RCOR1: variants seen among roughly 807,000 people sequenced by gnomAD.
RCOR1 encodes REST corepressor.
RCOR1 carries 12 observed loss-of-function variants against 64.0 expected under a neutral mutation model. The ratio of observed to expected loss-of-function variants is 0.19; its 90% CI spans 0.12 to 0.30. The LOEUF is 0.30. Among genes scored for constraint, RCOR1 ranks in the 10% least tolerant of loss-of-function variants. The pLI is 1.00. For missense variants in RCOR1, 502 were observed against 621.2 expected (o/e 0.81, Z 2.04); for synonymous variants, 279 against 227.2 (o/e 1.23, Z -2.05).
chr14:102,593,962 C>CT (rs932105963), intron 2 of RCOR1, among the ~76,000 whole-genome samples: 16 of 152,142 alleles, frequency 1.1e-4, no homozygotes, highest in East Asian at 5.8e-4. Flanking sequence ...TGTGTATTTC[C>CT]TTTTTTTTGG....
intron 8 of RCOR1, among the ~76,000 whole-genome samples, chr14:102,715,676 C>T (rs909218196): frequency 6.6e-6 from 1 of 152,218 alleles, no homozygotes; most frequent in Non-Finnish European, 1.5e-5. Flanking sequence ...TGAGCTACCA[C>T]ACTCGGCCCT....
At chr14:102,686,504 T>C (rs1458499484) in intron 3 of RCOR1, among the ~76,000 whole-genome samples, 3 of 152,234 alleles carry the variant, frequency 2.0e-5, no homozygotes, top group African/African-American at 7.2e-5. Context: ...TTGTATGTTC[T>C]GTGGATTCCG....
At chr14:102,641,097 CA>C (rs569687337) in intron 2 of RCOR1, among the ~76,000 whole-genome samples, 4 of 151,416 alleles carry the variant, frequency 2.6e-5, no homozygotes, top group Admixed American at 2.0e-4. Flanking sequence ...ACTAAAAATA[CA>C]AAAAAAATTA....
intron 2 of RCOR1, among the ~76,000 whole-genome samples, chr14:102,595,837 T>A (rs1048087469): frequency 6.6e-6 from 1 of 152,022 alleles, no homozygotes; most frequent in African/African-American, 2.4e-5. Flanking sequence ...TCTCGGCCTC[T>A]CATAGTGCTG....
intron 2 of RCOR1, chr14:102,658,998 C>G: frequency 4.0e-6 from 2 of 495,758 alleles, no homozygotes; most frequent in Non-Finnish European, 5.2e-6. Flanking sequence ...GTTAGTAAGT[C>G]CAACCTACAC....
intron 2 of RCOR1, among the ~76,000 whole-genome samples, chr14:102,614,051 A>C (rs1426176238): frequency 1.3e-5 from 2 of 150,944 alleles, no homozygotes; most frequent in African/African-American, 4.9e-5. Flanking sequence ...ATGTGCCACT[A>C]CACCCGGCTG....
chr14:102,677,097 A>G (rs1196434995), intron 2 of RCOR1, among the ~76,000 whole-genome samples: 13 of 104,040 alleles, frequency 1.2e-4, no homozygotes, highest in Non-Finnish European at 2.0e-5. Context: ...ACTTCCCAGT[A>G]GGGGCGGCCG....
chr14:102,696,960 C>T (rs1895664443), intron 3 of RCOR1, among the ~76,000 whole-genome samples: 1 of 151,828 alleles, frequency 6.6e-6, no homozygotes, highest in South Asian at 2.1e-4. Flanking sequence ...CTACCAGCAG[C>T]TACTGGTATA....
At chr14:102,703,260 C>CT (rs1255138782) in intron 4 of RCOR1, among the ~76,000 whole-genome samples, 1 of 152,054 alleles carries the variant, frequency 6.6e-6, no homozygotes, top group African/African-American at 2.4e-5. Context: ...GTGGAAGTTG[C>CT]ATAAGGAGTA....
In RCOR1 at chr14:102,655,951, TCACACACACACACA is replaced by T. The variant is rs57847726; in HGVS notation, c.362-25920_362-25907del. 8.5e-5 allele frequency: 74 copies of T among 872,698 alleles called. No individual in the cohort carries two copies. The Admixed American group carries it at 1.3e-3, about 15-fold the overall frequency. The allele number at this position is 872,698 out of a possible 1,614,324, so 54.1% of individuals were successfully genotyped here. On this transcript the variant is annotated intron_variant, in intron 2 of 11. Coordinates refer to ENST00000262241, the MANE Select transcript of RCOR1 (RefSeq NM_015156.4). ...CTGGGCAACAGAGTGAGACTTTTTG[TCACACACACACACA>T]CACACACACACACACACACACACGT...
chr14:102,596,827 A>G (rs964207084), intron 2 of RCOR1, among the ~76,000 whole-genome samples: 1 of 146,906 alleles, frequency 6.8e-6, no homozygotes, highest in Non-Finnish European at 1.5e-5. Context: ...GTCCTTCCAA[A>G]GTGCTGGGAT....
chr14:102,705,593 C>T (rs373625584), intron 4 of RCOR1, among the ~76,000 whole-genome samples: 2 of 152,028 alleles, frequency 1.3e-5, no homozygotes, highest in Non-Finnish European at 2.9e-5. Flanking sequence ...CAGTTACAGG[C>T]GCGCACCACC....
At chr14:102,698,448 A>AT (rs1481945613) in intron 3 of RCOR1, among the ~76,000 whole-genome samples, 6 of 152,210 alleles carry the variant, frequency 3.9e-5, no homozygotes, top group Non-Finnish European at 8.8e-5. Flanking sequence ...GTGATCATAC[A>AT]TACATTCCTT....
chr14:102,633,856 C>T (rs987692296), intron 2 of RCOR1, among the ~76,000 whole-genome samples: 1 of 152,106 alleles, frequency 6.6e-6, no homozygotes, highest in Non-Finnish European at 1.5e-5. Context: ...TTGTTCTTAA[C>T]AGAATATCAA....
At chr14:102,624,820 C>T (rs1411893124) in intron 2 of RCOR1, among the ~76,000 whole-genome samples, 1 of 151,978 alleles carries the variant, frequency 6.6e-6, no homozygotes, top group African/African-American at 2.4e-5. Context: ...TTAATGGCCC[C>T]CTCTGGAATA....
chr14:102,685,733 G>A (rs1443601295), intron 3 of RCOR1, among the ~76,000 whole-genome samples: 3 of 152,114 alleles, frequency 2.0e-5, no homozygotes, highest in Non-Finnish European at 4.4e-5. Context: ...AGGCTGAGGC[G>A]AGCTGATCAC....
intron 2 of RCOR1, among the ~76,000 whole-genome samples, chr14:102,654,805 T>TC (rs1894688633): frequency 6.7e-6 from 1 of 149,156 alleles, no homozygotes; most frequent in Admixed American, 6.7e-5. Context: ...TTTTTTTTTT[T>TC]TCCTGTTCTT....
intron 11 of RCOR1, among the ~76,000 whole-genome samples, chr14:102,726,162 A>T (rs1314124977): frequency 6.6e-6 from 1 of 151,706 alleles, no homozygotes; most frequent in African/African-American, 2.4e-5. Context: ...CCCCGTCTCT[A>T]CTGAAGGTAC....
intron 2 of RCOR1, among the ~76,000 whole-genome samples, chr14:102,641,429 A>G (rs188613856): frequency 2.0e-5 from 3 of 152,070 alleles, no homozygotes; most frequent in Admixed American, 6.6e-5. Flanking sequence ...GCAAAACCCC[A>G]TCTCTACAAA....
Sources: allele counts gnomAD v4.1 joint callset (sites outside exome capture counted in the v4.1 genomes callset), GRCh38; gene constraint gnomAD v4.1.1; transcripts MANE v1.5; gene names NCBI Gene and HGNC (gene_info 2026-07-23, HGNC 2026-07-21).